CACNA1E: variants seen among roughly 807,000 people sequenced by gnomAD.
CACNA1E encodes voltage-dependent R-type calcium channel subunit alpha-1E.
CACNA1E carries 40 observed loss-of-function variants against 259.2 expected under a neutral mutation model. The ratio of observed to expected loss-of-function variants is 0.15; its 90% CI spans 0.12 to 0.20. CACNA1E has a LOEUF of 0.20. Among genes scored for constraint, CACNA1E ranks in the 10% least tolerant of loss-of-function variants. The probability of loss-of-function intolerance (pLI) is 1.00; values close to 1 mark genes in which losing one functional copy is unlikely to be tolerated. For synonymous variants in CACNA1E, 1,104 were observed against 1,138.5 expected (o/e 0.97, Z 0.61); for missense variants, 1,874 against 3,040.1 (o/e 0.62, Z 9.02).
intron 6 of CACNA1E, among the ~76,000 whole-genome samples, chr1:181,615,967 T>G (rs560091382): frequency 2.0e-5 from 3 of 152,212 alleles, no homozygotes; most frequent in Non-Finnish European, 4.4e-5. Context: ...TTACTAAATT[T>G]TTTTTCTGCA....
rs78025960 is a variant in CACNA1E, at chr1:181,329,450, C to T, written c.-15+11327C>T. Among the ~76,000 whole-genome samples, 546 of 152,312 alleles carry T rather than the reference C, an allele frequency of 3.6e-3. 5 individuals are homozygous for T. Among genetic ancestry groups the T allele is most frequent in the African/African-American group, 0.013 (521 of 41,564 alleles). On this transcript the variant is annotated intron_variant, in intron 1 of 11. Transcript: ENST00000524607. ...TGTGCCCTGCATGCTCCAGCCCCTA[C>T]CCCACCACAGCTTCAATGCCTACTT...
Position 181,736,336 on chromosome 1 carries a change from G to C in CACNA1E, c.3324G>C (p.Glu1108Asp). The C allele has an allele frequency of 1.9e-6, 3 of 1,607,532 alleles. No individual in the cohort carries two copies. Among genetic ancestry groups the C allele is most frequent in the Non-Finnish European group, 2.5e-6 (3 of 1,176,712 alleles). The change falls in exon 22 of 48, where the codon GAG becomes GAC. Residue 1108 changes from glutamate (E) to aspartate (D), a missense_variant. By Grantham distance (45) the Glu-to-Asp change is conservative (BLOSUM62 2). Coordinates refer to ENST00000367573, the MANE Select transcript of CACNA1E (RefSeq NM_001205293.3). ...AGGAGGCAGAGATCAGAGAGGATGA[G>C]GAGGAGGTGGAGAAGAAGAAGCAGA... Reference protein sequence around the residue: ...PLKEAEIREDEEEVEKKKQKK... With the variant: ...PLKEAEIREDDEEVEKKKQKK...
intron 7 of CACNA1E, among the ~76,000 whole-genome samples, chr1:181,663,082 A>C (rs1051473764): frequency 1.3e-5 from 2 of 152,118 alleles, no homozygotes; most frequent in African/African-American, 4.8e-5. Context: ...TTTCTCCCAC[A>C]TGTTCCCATA....
At chr1:181,766,353 A>T (rs1031932640) in intron 34 of CACNA1E, among the ~76,000 whole-genome samples, 193 bp from the exon 35 acceptor site, 17 of 152,228 alleles carry the variant, frequency 1.1e-4, no homozygotes, top group African/African-American at 4.1e-4. Context: ...CCAACTGTTT[A>T]CCTATCTGTC....
chr1:181,653,825 A>G (rs1658965163), intron 7 of CACNA1E, among the ~76,000 whole-genome samples: 1 of 152,240 alleles, frequency 6.6e-6, no homozygotes, highest in South Asian at 2.1e-4. Flanking sequence ...AGTAACATTC[A>G]CATGTTCCAG....
chr1:181,528,194 T>G lies in CACNA1E; in HGVS notation c.512+16684T>G, dbSNP rs573090589. On this transcript the variant is annotated intron_variant, in intron 3 of 47. Transcript: ENST00000367573. ...ATGGGGGCTGGACTTTCCCATGCTA[T>G]TCTCATGATAGTGAATAAGTCTCAT... Among the ~76,000 whole-genome samples, 172 of 152,238 alleles carry G rather than the reference T, an allele frequency of 1.1e-3. 2 individuals carry two copies. The highest frequency in any genetic ancestry group is 3.8e-3 in the African/African-American group (158 of 41,550).
intron 1 of CACNA1E, among the ~76,000 whole-genome samples, chr1:181,412,348 GATC>G (rs940658293): frequency 1.3e-5 from 2 of 152,194 alleles, no homozygotes; most frequent in African/African-American, 4.8e-5. Context: ...GAGTGAGGAG[GATC>G]GCTTGTGCCC....
intron 3 of CACNA1E, among the ~76,000 whole-genome samples, chr1:181,571,155 G>A (rs925679931): frequency 1.2e-4 from 18 of 152,230 alleles, no homozygotes; most frequent in Admixed American, 2.0e-4. Context: ...TTCTTAGGAA[G>A]GCACTATCTC....
At chr1:181,445,873 C>T (rs1660759894) in intron 2 of CACNA1E, among the ~76,000 whole-genome samples, 1 of 152,172 alleles carries the variant, frequency 6.6e-6, no homozygotes, top group African/African-American at 2.4e-5. Flanking sequence ...CCAGAATTTC[C>T]ACTGGTTCAA....
chr1:181,356,037 T>A (rs1653407237), intron 1 of CACNA1E, among the ~76,000 whole-genome samples: 1 of 152,210 alleles, frequency 6.6e-6, no homozygotes, highest in Non-Finnish European at 1.5e-5. Context: ...ACTCATTTTT[T>A]AAAACATTTT....
rs543723369 is a variant in CACNA1E at position 181,424,482 on chromosome 1, CA to C, written c.434+10904del. Among the ~76,000 whole-genome samples the C allele has an allele frequency of 1.1e-4, 17 of 152,348 alleles. No homozygotes were observed. In the Middle Eastern group the frequency reaches 0.01, roughly 91 times the overall value. ...CTAGAGAACTGGGTTTGAGAATAAACAAGGTGGTGCGCGAGCAGCGCGGTTT... is the reference window on the plus strand; with the variant it reads ...CTAGAGAACTGGGTTTGAGAATAAACAGGTGGTGCGCGAGCAGCGCGGTTT... On this transcript the variant is annotated intron_variant, in intron 2 of 11. Transcript: ENST00000524607.
At chr1:181,627,940 G>A (rs1254169611) in intron 6 of CACNA1E, among the ~76,000 whole-genome samples, 2 of 152,096 alleles carry the variant, frequency 1.3e-5, no homozygotes, top group African/African-American at 4.8e-5. Flanking sequence ...TTGTGAAATT[G>A]GCATTTGAGA....
At chr1:181,432,261 TG>T (rs573976665) in intron 2 of CACNA1E, among the ~76,000 whole-genome samples, 257 of 152,266 alleles carry the variant, frequency 1.7e-3, no homozygotes, top group Non-Finnish European at 2.8e-3. Flanking sequence ...CCAAGGGCCC[TG>T]GAAATGGCTG....
Position 181,732,892 on chromosome 1 carries a change from GCCT to G in CACNA1E, c.2809_2811del (p.Ser937del). On this transcript the variant is annotated inframe_deletion, in exon 20 of 48. Coordinates refer to ENST00000367573, the MANE Select transcript of CACNA1E (RefSeq NM_001205293.3). The surrounding 1 kb of genome is among the most constrained non-coding windows in gnomAD (Gnocchi z 5.5). Reference sequence around the variant, plus strand: ...GACAGAAGGCAAGGAGTCCTCTTCAGCCTCCCGGAGCAGGTCTGCCAGCCAGGA... The same window carrying G: ...GACAGAAGGCAAGGAGTCCTCTTCAGCCCGGAGCAGGTCTGCCAGCCAGGA... The G allele has an allele frequency of 6.2e-7, 1 of 1,613,978 alleles. No individual in the cohort carries two copies. The highest frequency in any genetic ancestry group is 8.5e-7 in the Non-Finnish European group (1 of 1,179,880).
chr1:181,653,424 T>G (rs1255867348), intron 7 of CACNA1E, among the ~76,000 whole-genome samples: 2 of 152,216 alleles, frequency 1.3e-5, no homozygotes, highest in African/African-American at 2.4e-5. Flanking sequence ...AAGTGAGATG[T>G]GCCTTTCACC....
intron 6 of CACNA1E, among the ~76,000 whole-genome samples, chr1:181,585,925 T>A (rs1402911456): frequency 1.3e-5 from 2 of 152,102 alleles, no homozygotes; most frequent in Admixed American, 6.5e-5. Context: ...GGGAAAGCAA[T>A]GGAGGGTTTT....
intron 6 of CACNA1E, among the ~76,000 whole-genome samples, chr1:181,630,993 G>A (rs1273755399): frequency 1.3e-5 from 2 of 152,112 alleles, no homozygotes; most frequent in East Asian, 1.9e-4. Flanking sequence ...TTCTGAAATT[G>A]CTCTCAGGCA....
intron 6 of CACNA1E, among the ~76,000 whole-genome samples, chr1:181,620,480 C>T (rs1361083797): frequency 6.6e-6 from 1 of 152,192 alleles, no homozygotes; most frequent in Non-Finnish European, 1.5e-5. Flanking sequence ...CAAGGTGAGA[C>T]TTAGGTAGAG....
intron 1 of CACNA1E, among the ~76,000 whole-genome samples, chr1:181,337,508 T>C (rs1651805377): frequency 6.6e-6 from 1 of 152,202 alleles, no homozygotes; most frequent in Non-Finnish European, 1.5e-5. Flanking sequence ...CCCTTTGACC[T>C]ACTTCTCCAC....
Sources: allele counts gnomAD v4.1 joint callset (sites outside exome capture counted in the v4.1 genomes callset), GRCh38; gene constraint gnomAD v4.1.1; non-coding constraint Gnocchi (gnomAD v3.1); transcripts MANE v1.5; gene names NCBI Gene and HGNC (gene_info 2026-07-23, HGNC 2026-07-21).